The following TUSC3 variants were observed in gnomAD, a reference collection of about 807,000 sequenced individuals.
TUSC3 encodes the protein dolichyl-diphosphooligosaccharide--protein glycosyltransferase subunit TUSC3.
Under a neutral mutation model 44.8 loss-of-function variants are expected in TUSC3, and 45 were observed. That is an observed-to-expected ratio of 1.00 (90% CI 0.79 to 1.29). The LOEUF is 1.29. TUSC3 is among the 50% of genes most tolerant of loss of function. TUSC3 has a pLI of 0.00. For synonymous variants in TUSC3, 212 were observed against 152.9 expected (o/e 1.39, Z -2.85); for missense variants, 519 against 437.9 (o/e 1.19, Z -1.65).
At chr8:15,808,558 A>G in the TUSC3 span, among the ~76,000 whole-genome samples, 2 of 152,126 alleles carry the variant, frequency 1.3e-5, no homozygotes, top group Non-Finnish European at 2.9e-5. Context: ...CTTACCGAAC[A>G]TCTTTTCCTA....
chr8:15,771,036 T>C (rs990144853), downstream of TUSC3, among the ~76,000 whole-genome samples: 2 of 152,124 alleles, frequency 1.3e-5, no homozygotes, highest in East Asian at 1.9e-4. Context: ...ATTCAACATG[T>C]AGAAGAAATC....
intron 1 of TUSC3, among the ~76,000 whole-genome samples, chr8:15,602,429 G>A (rs1804328627): frequency 6.6e-6 from 1 of 151,340 alleles, no homozygotes; most frequent in Non-Finnish European, 1.5e-5. Flanking sequence ...CAAATGGGTT[G>A]TACTTTTTAC....
chr8:15,477,090 A>T (rs1800585934), intron 1 of TUSC3, among the ~76,000 whole-genome samples: 1 of 152,170 alleles, frequency 6.6e-6, no homozygotes, highest in Admixed American at 6.6e-5. Flanking sequence ...GTTGCAAAGG[A>T]AGTAGTCTTC....
intron 1 of TUSC3, among the ~76,000 whole-genome samples, chr8:15,569,021 A>G (rs1321871352): frequency 1.3e-5 from 2 of 152,164 alleles, no homozygotes; most frequent in African/African-American, 4.8e-5. Context: ...GATTTACATT[A>G]GATAGTTTTG....
At chr8:15,593,960 G>A (rs1351253725) in intron 1 of TUSC3, among the ~76,000 whole-genome samples, 2 of 151,994 alleles carry the variant, frequency 1.3e-5, no homozygotes, top group African/African-American at 2.4e-5. Context: ...ATCACTCTAT[G>A]TCCCTGTCAC....
intron 1 of TUSC3, among the ~76,000 whole-genome samples, chr8:15,563,975 A>G (rs1443402743): frequency 6.6e-6 from 1 of 152,096 alleles, no homozygotes; most frequent in African/African-American, 2.4e-5. Flanking sequence ...AGTCTGAAAC[A>G]ATTGTTTGGT....
At chr8:15,544,116 C>G (rs1182868540) in intron 1 of TUSC3, among the ~76,000 whole-genome samples, 1 of 152,066 alleles carries the variant, frequency 6.6e-6, no homozygotes, top group Non-Finnish European at 1.5e-5. Flanking sequence ...TGAATATAGT[C>G]ATTAAAAACT....
At chr8:15,771,358 C>G (rs1812436555), downstream of TUSC3, among the ~76,000 whole-genome samples, 1 of 152,086 alleles carries the variant, frequency 6.6e-6, no homozygotes, top group Non-Finnish European at 1.5e-5. Flanking sequence ...TATGGAAATG[C>G]ATGGGATCCT....
At chr8:15,578,745 A>G (rs1431187249) in intron 1 of TUSC3, among the ~76,000 whole-genome samples, 2 of 152,052 alleles carry the variant, frequency 1.3e-5, no homozygotes, top group African/African-American at 4.8e-5. Context: ...TTTTGCATCA[A>G]TGTTCATCAA....
intron 9 of TUSC3, among the ~76,000 whole-genome samples, chr8:15,751,988 G>A (rs1811724409): frequency 6.6e-6 from 1 of 152,158 alleles, no homozygotes; most frequent in Admixed American, 6.5e-5. Context: ...GTTGTTAAAT[G>A]CTTTATAGAC....
chr8:15,828,145 C>T, the TUSC3 span, among the ~76,000 whole-genome samples: 2 of 152,064 alleles, frequency 1.3e-5, no homozygotes, highest in Admixed American at 1.3e-4. Context: ...CAGGCATGCA[C>T]CACCACACCT....
intron 6 of TUSC3, among the ~76,000 whole-genome samples, chr8:15,692,598 T>C (rs914632320): frequency 2.6e-5 from 4 of 151,836 alleles, no homozygotes; most frequent in Non-Finnish European, 5.9e-5. Context: ...TCCAGGAATT[T>C]ATCTGTTTCT....
At chr8:15,730,191 T>G (rs1408622367) in intron 6 of TUSC3, among the ~76,000 whole-genome samples, 1 of 152,140 alleles carries the variant, frequency 6.6e-6, no homozygotes. Context: ...TTTAATAATT[T>G]TGTTTTGAAA....
At position 15,765,802 on chromosome 8, in the gene TUSC3, A is replaced by T. The variant is rs1338678086; in HGVS notation, c.*1646A>T. 6.6e-6 allele frequency: 1 copy of T among 152,036 alleles called. No individual in the cohort carries two copies. The highest frequency in any genetic ancestry group is 1.5e-5 in the Non-Finnish European group (1 of 67,964). 9.4% of individuals were successfully genotyped at this position (152,036 alleles called of 1,614,324 possible). A position where few individuals can be genotyped will look rare whatever the true frequency, so the allele number is the denominator to read the frequency against. On this transcript the variant is annotated 3_prime_UTR_variant, in exon 11 of 11. Transcript: ENST00000503731. ...ACTGCCTATCACTAGGCAGAACTTG[A>T]CCTGTAATTCTTAATCCATTGTAGA...
At chr8:15,745,731 C>G (rs999206585) in intron 8 of TUSC3, among the ~76,000 whole-genome samples, 4 of 151,396 alleles carry the variant, frequency 2.6e-5, no homozygotes, top group African/African-American at 7.3e-5. Context: ...AATTTTCTCC[C>G]ATTCTGTAGG....
chr8:15,766,004 A>G lies in TUSC3; in HGVS notation c.*1848A>G, dbSNP rs1210274031. 2.0e-5 allele frequency: 3 copies of G among 152,250 alleles called. No homozygotes were observed. The highest frequency in any genetic ancestry group is 4.1e-4 in the South Asian group (2 of 4,832). 9.4% of individuals were successfully genotyped at this position (152,250 alleles called of 1,614,324 possible). ...CAAATTATCTCTAATCTCACTGTAA[A>G]TCTTTTAATCATATCAAAGTCAGGT... is the stretch of plus-strand genomic sequence containing the variant. On this transcript the variant is annotated 3_prime_UTR_variant, in exon 11 of 11. Coordinates refer to ENST00000503731, the MANE Select transcript of TUSC3 (RefSeq NM_006765.4).
At chr8:15,760,427 A>G (rs1209241494) in intron 10 of TUSC3, among the ~76,000 whole-genome samples, 1 of 152,186 alleles carries the variant, frequency 6.6e-6, no homozygotes, top group East Asian at 1.9e-4. Context: ...CAATGTATGA[A>G]TTGCCACAAC....
At chr8:15,652,426 T>C (rs1806953365) in intron 3 of TUSC3, among the ~76,000 whole-genome samples, 1 of 152,198 alleles carries the variant, frequency 6.6e-6, no homozygotes, top group African/African-American at 2.4e-5. Flanking sequence ...CCAAATTTAT[T>C]TTGCCTTTTT....
chr8:15,634,375 A>C (rs188122771), intron 2 of TUSC3, among the ~76,000 whole-genome samples: 1 of 152,184 alleles, frequency 6.6e-6, no homozygotes, highest in African/African-American at 2.4e-5. Flanking sequence ...AGTTACTCCA[A>C]TCTGTTTTAT....
Sources: allele counts gnomAD v4.1 joint callset (sites outside exome capture counted in the v4.1 genomes callset), GRCh38; gene constraint gnomAD v4.1.1; transcripts MANE v1.5; gene names NCBI Gene and HGNC (gene_info 2026-07-23, HGNC 2026-07-21).